Variants in GLI3 observed in about 807,000 individuals in gnomAD.
GLI3 encodes transcription activator GLI3.
Under a neutral mutation model 100.8 loss-of-function variants are expected in GLI3, and 20 were observed. That is an observed-to-expected ratio of 0.20 (90% confidence interval 0.14 to 0.29). GLI3 has a LOEUF of 0.29. Ranked by LOEUF, GLI3 falls within the 10% of genes least tolerant of loss-of-function variation. The pLI, the probability that GLI3 is intolerant of heterozygous loss-of-function variation, is 1.00. For missense variants in GLI3, 2,040 were observed against 2,128.5 expected (o/e 0.96, Z 0.82); for synonymous variants, 938 against 860.5 (o/e 1.09, Z -1.58).
chr7:42,043,374 T>G (rs1451761685), intron 6 of GLI3, among the ~76,000 whole-genome samples: 1 of 152,190 alleles, frequency 6.6e-6, no homozygotes, highest in Non-Finnish European at 1.5e-5. Context: ...AAGTCAGCAT[T>G]TGGGGACAGT....
At position 42,194,759 on chromosome 7, in the gene GLI3, C is replaced by CTTTTTTTTTTT. The variant is rs61524545; in HGVS notation, c.124+28360_124+28370dup. Among the ~76,000 whole-genome samples, 261 of 108,892 alleles carry CTTTTTTTTTTT rather than the reference C, an allele frequency of 2.4e-3. 11 individuals carry two copies. Among genetic ancestry groups the CTTTTTTTTTTT allele is most frequent in the African/African-American group, 4.0e-3 (98 of 24,706 alleles). The allele number at this position is 108,892 out of a possible 152,430, so 71.4% of individuals were successfully genotyped here. On this transcript the variant is annotated intron_variant, in intron 2 of 14. Transcript: ENST00000395925. The stretch of plus-strand genomic sequence containing the variant: ...AATGCATCAACTTCTCTCTCTGTCT[C>CTTTTTTTTTTT]TTTTTTTTTTTTTTTTTGGAGTCGG...
chr7:42,129,814 A>T (rs988927317), intron 3 of GLI3, among the ~76,000 whole-genome samples: 35 of 151,998 alleles, frequency 2.3e-4, no homozygotes, highest in African/African-American at 6.8e-4. Flanking sequence ...CATCTAAAAA[A>T]CAAAAAAGAA....
intron 2 of GLI3, among the ~76,000 whole-genome samples, chr7:42,185,181 G>C (rs1787694293): frequency 6.6e-6 from 1 of 152,120 alleles, no homozygotes; most frequent in South Asian, 2.1e-4. Flanking sequence ...TACAAAGCTG[G>C]CACCCAGGGC....
At chr7:42,055,448 C>A (rs906238800) in intron 4 of GLI3, among the ~76,000 whole-genome samples, 1 of 152,056 alleles carries the variant, frequency 6.6e-6, no homozygotes, top group Non-Finnish European at 1.5e-5. Context: ...CAGGAGATGG[C>A]AGGAAGGGAA....
chr7:42,127,282 T>A (rs73688647), intron 3 of GLI3, among the ~76,000 whole-genome samples: 4,727 of 152,252 alleles, frequency 0.031, 252 homozygotes, highest in African/African-American at 0.11. Context: ...CAAGCTGGGA[T>A]AAAGATGTTT....
At chr7:42,230,102 G>A (rs1004276367) in intron 1 of GLI3, among the ~76,000 whole-genome samples, 1 of 52,592 alleles carries the variant, frequency 1.9e-5, no homozygotes, top group Non-Finnish European at 5.2e-5. Flanking sequence ...GTTGGGCGGG[G>A]GGGGGGGGGG....
chr7:42,254,804 C>T (rs1448962584), intron 1 of GLI3, among the ~76,000 whole-genome samples: 1 of 151,280 alleles, frequency 6.6e-6, no homozygotes. Flanking sequence ...CTATCAATCT[C>T]TCTCTTGCAA....
At chr7:42,066,077 G>A (rs117132688) in intron 4 of GLI3, among the ~76,000 whole-genome samples, 1,635 of 152,256 alleles carry the variant, frequency 0.011, 16 homozygotes, top group Middle Eastern at 0.02. Context: ...CTTGTGGCTC[G>A]GAGGAATGTA....
intron 2 of GLI3, among the ~76,000 whole-genome samples, chr7:42,190,007 CACACACACACAG>C (rs1562779178): frequency 1.6e-5 from 2 of 127,522 alleles, no homozygotes; most frequent in Admixed American, 7.6e-5. Context: ...CACACACACA[CACACACACACAG>C]AGAACTATAT....
rs747717830 is a variant in GLI3, at chr7:41,967,632, G to T, written c.2395C>A (p.Pro799Thr). The T allele has an allele frequency of 2.5e-6, 4 of 1,613,734 alleles. No individual in the cohort carries two copies. Among genetic ancestry groups the T allele is most frequent in the Non-Finnish European group, 2.5e-6 (3 of 1,179,894 alleles). ...AGAGGAGAGACCGCAGGGGCTTTAGGGGGTAGAATGGGGTTCAGTCGCGGA... is the reference window on the plus strand; with the variant it reads ...AGAGGAGAGACCGCAGGGGCTTTAGTGGGTAGAATGGGGTTCAGTCGCGGA... ...MFPRLNPILP[P>T]KAPAVSPLIG... The change falls in exon 14 of 15, where the codon CCT (proline) becomes ACT (threonine). Residue 799 changes from proline to threonine, a missense_variant. Pro to Thr is a conservative substitution (Grantham distance 38). Transcript: ENST00000395925.
At chr7:42,053,131 G>T (rs939969144) in intron 4 of GLI3, among the ~76,000 whole-genome samples, 4 of 152,194 alleles carry the variant, frequency 2.6e-5, no homozygotes, top group African/African-American at 7.2e-5. Flanking sequence ...GAGTAGCTGG[G>T]ATTACAGGCA....
At chr7:42,262,196 T>TTTTCCTTCCTTC (rs1490282138) in intron 1 of GLI3, among the ~76,000 whole-genome samples, 1 of 38,290 alleles carries the variant, frequency 2.6e-5, no homozygotes, top group Admixed American at 3.0e-4. Flanking sequence ...CTTTTATTTT[T>TTTTCCTTCCTTC]TTTCCTTCCT....
At chr7:42,258,617 T>A (rs1789109931) in intron 1 of GLI3, among the ~76,000 whole-genome samples, 1 of 152,202 alleles carries the variant, frequency 6.6e-6, no homozygotes, top group South Asian at 2.1e-4. Context: ...AATAGAAATT[T>A]ATTTCTCCAG....
chr7:42,248,460 C>A (rs1430869408), intron 1 of GLI3, among the ~76,000 whole-genome samples: 1 of 152,084 alleles, frequency 6.6e-6, no homozygotes, highest in Non-Finnish European at 1.5e-5. Flanking sequence ...CTACCAGGGA[C>A]CTTGGGGATT....
chr7:42,231,980 G>A (rs1788703693), intron 1 of GLI3, among the ~76,000 whole-genome samples: 1 of 151,754 alleles, frequency 6.6e-6, no homozygotes, highest in Non-Finnish European at 1.5e-5. Flanking sequence ...ACCTTCTGAA[G>A]TTACTCCAAT....
Position 42,237,079 on chromosome 7 carries a change from G to C in GLI3, c.-151C>G, listed in dbSNP as rs1788819559. The C allele has an allele frequency of 6.8e-6, 1 of 147,286 alleles. No homozygotes were observed. The highest frequency in any genetic ancestry group is 1.5e-5 in the Non-Finnish European group (1 of 66,268). The allele number at this position is 147,286 out of a possible 1,614,324, so 9.1% of individuals were successfully genotyped here. On this transcript the variant is annotated 5_prime_UTR_variant, in exon 1 of 15. Coordinates refer to ENST00000395925, the MANE Select transcript of GLI3 (RefSeq NM_000168.6). ...GGCCGCGGGCGGCTACGGCTACCGC[G>C]AGCGGCCGGGCTGGGCGCGGGGTGC...
chr7:42,076,411 C>G (rs1784879400), intron 4 of GLI3, among the ~76,000 whole-genome samples: 1 of 152,200 alleles, frequency 6.6e-6, no homozygotes, highest in Non-Finnish European at 1.5e-5. Context: ...TTGAACATAA[C>G]AAACTTCAAA....
chr7:42,101,761 G>T (rs925892812), intron 3 of GLI3, among the ~76,000 whole-genome samples: 5 of 150,082 alleles, frequency 3.3e-5, no homozygotes, highest in African/African-American at 1.2e-4. Flanking sequence ...ACATATACAT[G>T]TACCATGCTG....
chr7:42,078,815 C>T (rs1056067026), intron 3 of GLI3, among the ~76,000 whole-genome samples: 1 of 150,210 alleles, frequency 6.7e-6, no homozygotes, highest in Non-Finnish European at 1.5e-5. Flanking sequence ...CTGTGAGCTC[C>T]ACCTCCCGGG....
Sources: allele counts gnomAD v4.1 joint callset (sites outside exome capture counted in the v4.1 genomes callset), GRCh38; gene constraint gnomAD v4.1.1; transcripts MANE v1.5; gene names NCBI Gene and HGNC (gene_info 2026-07-23, HGNC 2026-07-21).